SUZ12: variants seen among roughly 807,000 people sequenced by gnomAD.
The protein encoded by SUZ12 is SUZ12 polycomb repressive complex 2 subunit, also known as polycomb protein SUZ12.
SUZ12 carries 17 observed loss-of-function variants against 87.3 expected under a neutral mutation model. The ratio of observed to expected loss-of-function variants is 0.19; its 90% CI spans 0.13 to 0.29. The LOEUF (loss-of-function observed/expected upper bound fraction) is 0.29. Ranked by LOEUF, SUZ12 falls within the 10% of genes least tolerant of loss-of-function variation. SUZ12 has a pLI of 1.00. For missense variants in SUZ12, 526 were observed against 912.2 expected, an observed-to-expected ratio of 0.58 and a Z score of 5.45; for synonymous variants, 253 against 312.4, an observed-to-expected ratio of 0.81 and a Z score of 2.01.
intron 8 of SUZ12, among the ~76,000 whole-genome samples, chr17:31,981,922 A>C (rs1449893190): frequency 6.6e-6 from 1 of 152,216 alleles, no homozygotes; most frequent in African/African-American, 2.4e-5. Flanking sequence ...CATAGTGAAC[A>C]CTCAATAAAT....
At chr17:31,963,262 A>G (rs530569284) in intron 4 of SUZ12, among the ~76,000 whole-genome samples, 38 of 151,694 alleles carry the variant, frequency 2.5e-4, no homozygotes, top group Non-Finnish European at 5.4e-4. Context: ...CTCCTGCCTC[A>G]GCCTCCTGAG....
chr17:31,979,454 T>A lies in SUZ12; in HGVS notation c.917+2840T>A, dbSNP rs1199267094. Among the ~76,000 whole-genome samples the A allele has an allele frequency of 3.9e-5, 6 of 152,192 alleles. No individual in the cohort carries two copies. The South Asian group carries it at 1.2e-3, about 32-fold the overall frequency. ...CCTGTCCCCACCCCGATTCCATAGC[T>A]AGATGTCATAGTTCTTCAGTCTCCT... On this transcript the variant is annotated intron_variant, in intron 8 of 15. Transcript: ENST00000322652.
rs1909882555 is a variant in SUZ12 at position 31,994,689 on chromosome 17, G to A, written c.1563G>A (p.Lys521=). The A allele has an allele frequency of 6.2e-7, 1 of 1,613,892 alleles. No homozygotes were observed. Among genetic ancestry groups the A allele is most frequent in the African/African-American group, 1.3e-5 (1 of 74,896 alleles). Residue 521 remains lysine, a synonymous_variant, in exon 13 of 16, where the codon AAG becomes AAA. Coordinates refer to ENST00000322652, the MANE Select transcript of SUZ12 (RefSeq NM_015355.4). ...CTTTTAGTCGCAACGGACCAGTTAA[G>A]AGAACACCTATCACACATATTCTTG... ...GFAFSRNGPV[K]RTPITHILVC...
In SUZ12 at chr17:31,949,676, C is replaced by CTTTTTTTTTT. The variant is rs71360790; in HGVS notation, c.455+2011_455+2020dup. ...CCACACCCAGCCCCCCCCCCCCCCCCTTTTTTTTTTTTTTTTTTTTTTTTT... is the reference window on the plus strand; with the variant it reads ...CCACACCCAGCCCCCCCCCCCCCCCCTTTTTTTTTTTTTTTTTTTTTTTTTTTTTTTTTTT... On this transcript the variant is annotated intron_variant, in intron 4 of 15. Coordinates refer to ENST00000322652, the MANE Select transcript of SUZ12 (RefSeq NM_015355.4). 8.9e-4 allele frequency among the ~76,000 whole-genome samples: 11 copies of CTTTTTTTTTT among 12,386 alleles called. 1 individual carries two copies. The highest frequency in any genetic ancestry group is 3.5e-3 in the African/African-American group (10 of 2,882). 8.1% of individuals were successfully genotyped at this position (12,386 alleles called of 152,430 possible).
At chr17:31,946,604 G>A (rs558579575) in intron 3 of SUZ12, among the ~76,000 whole-genome samples, 3 of 152,296 alleles carry the variant, frequency 2.0e-5, no homozygotes, top group African/African-American at 7.2e-5. Flanking sequence ...GTAATTTTTG[G>A]TGTCTGCATT....
At chr17:31,964,037 G>GT (rs1352323671) in intron 4 of SUZ12, 3 of 151,666 alleles carry the variant, frequency 2.0e-5, no homozygotes, top group Admixed American at 1.3e-4. Context: ...TTTGTTTTTT[G>GT]TTTTTTTGAG....
intron 8 of SUZ12, among the ~76,000 whole-genome samples, chr17:31,978,155 C>T (rs1194946956): frequency 2.6e-5 from 4 of 152,004 alleles, no homozygotes; most frequent in Admixed American, 6.6e-5. Flanking sequence ...AGGTATAGGA[C>T]AAAGAACCAG....
chr17:31,977,771 C>G (rs1908847939), intron 8 of SUZ12, among the ~76,000 whole-genome samples: 1 of 152,034 alleles, frequency 6.6e-6, no homozygotes, highest in Non-Finnish European at 1.5e-5. Context: ...TGCCTGTAAT[C>G]CCAGCTACTC....
intron 3 of SUZ12, among the ~76,000 whole-genome samples, chr17:31,942,522 A>T (rs1200362401): frequency 1.3e-5 from 2 of 151,756 alleles, no homozygotes; most frequent in Admixed American, 6.6e-5. Context: ...TTTTTCATGA[A>T]GTTGGGGTTT....
intron 1 of SUZ12, 49 bp downstream of exon 1, chr17:31,937,569 C>T: frequency 3.9e-6 from 6 of 1,527,090 alleles, no homozygotes; most frequent in Non-Finnish European, 5.2e-6. Flanking sequence ...TCTGCCAACA[C>T]CGGGGATGGG....
At chr17:31,972,602 G>C (rs564271904) in intron 5 of SUZ12, among the ~76,000 whole-genome samples, 152 of 152,154 alleles carry the variant, frequency 1.0e-3, no homozygotes, top group Non-Finnish European at 1.6e-3. Context: ...ATTTTGTAGA[G>C]ACGAGGTTTC....
chr17:31,958,469 G>A (rs1354313400), intron 4 of SUZ12, among the ~76,000 whole-genome samples: 1 of 152,162 alleles, frequency 6.6e-6, no homozygotes, highest in African/African-American at 2.4e-5. Flanking sequence ...CAGCACTTTG[G>A]GAGGTCAAGG....
intron 4 of SUZ12, among the ~76,000 whole-genome samples, chr17:31,959,689 C>T (rs1907578983): frequency 6.6e-6 from 1 of 152,294 alleles, no homozygotes; most frequent in Middle Eastern, 3.4e-3. Context: ...ATTAGAGGCA[C>T]TAATCTTGGT....
rs902127405 is a variant in SUZ12, at chr17:31,983,243, C to A, written c.1023+139C>A. ...ACTTTAAAAAACACAAGTAAATGAT[C>A]TAGTCAGAGCATTTAACGGAAGGTA... On this transcript the variant is annotated intron_variant, in intron 9 of 15. Transcript: ENST00000322652. 113 of 635,168 alleles carry A rather than the reference C, an allele frequency of 1.8e-4. No homozygotes were observed. In the African/African-American group the frequency reaches 1.9e-3, roughly 11 times the overall value. The allele number at this position is 635,168 out of a possible 1,614,324, so 39.3% of individuals were successfully genotyped here.
intron 4 of SUZ12, among the ~76,000 whole-genome samples, chr17:31,953,517 C>T (rs1598154148): frequency 6.6e-6 from 1 of 152,112 alleles, no homozygotes; most frequent in African/African-American, 2.4e-5. Context: ...AAGGGATCCT[C>T]CTGCCTCAGC....
chr17:31,998,998 C>A lies in SUZ12; in HGVS notation c.2215C>A (p.Leu739Ile). The A allele has an allele frequency of 6.5e-7, 1 of 1,538,730 alleles. No homozygotes were observed. ...TTCAAAACAGAGCAAAAAACAAAAA[C>A]TCTGAAAAGCTCTAACCCCATGTTA... ...GVSKQSKKQK[L>I] is the part of the protein sequence containing the mutation. Residue 739 changes from leucine (L) to isoleucine (I), a missense_variant, in exon 16 of 16, where the codon CTC (leucine) becomes ATC (isoleucine). Around this residue, in one of 9 missense-constraint regions of SUZ12, gnomAD observed 56 missense variants for 56.6 expected, o/e 0.99. Coordinates refer to ENST00000322652, the MANE Select transcript of SUZ12 (RefSeq NM_015355.4).
At chr17:31,980,354 T>G (rs1049770102) in intron 8 of SUZ12, among the ~76,000 whole-genome samples, 2 of 150,898 alleles carry the variant, frequency 1.3e-5, no homozygotes, top group African/African-American at 2.4e-5. Context: ...CTAAGTAGGC[T>G]TCTGTGTCCT....
chr17:31,962,850 T>A (rs942713946), intron 4 of SUZ12, among the ~76,000 whole-genome samples: 1 of 152,248 alleles, frequency 6.6e-6, no homozygotes, highest in African/African-American at 2.4e-5. Flanking sequence ...TAGATTCTTA[T>A]GAAAGTTAAT....
intron 3 of SUZ12, among the ~76,000 whole-genome samples, chr17:31,940,803 A>G (rs1179533547): frequency 2.0e-5 from 3 of 151,848 alleles, no homozygotes; most frequent in African/African-American, 4.8e-5. Flanking sequence ...ACTTGAGGTC[A>G]GGAGTTCGAG....
Sources: gnomAD v4.1 joint callset for allele counts (sites outside exome capture counted in the v4.1 genomes callset) on GRCh38, gnomAD v4.1.1 for gene constraint, gnomAD v4.1.1 regional missense constraint, MANE v1.5 for transcripts, NCBI Gene and HGNC (gene_info 2026-07-23, HGNC 2026-07-21) for gene names.